The following LAMA1 variants were observed in gnomAD, a reference collection of about 807,000 sequenced individuals.
LAMA1 encodes laminin subunit alpha 1, also known as laminin subunit alpha-1.
In LAMA1, 219 loss-of-function variants were observed where a neutral mutation model predicts 348.7. The ratio of observed to expected loss-of-function variants is 0.63; its 90% CI spans 0.56 to 0.70. LAMA1 has a LOEUF of 0.70. Among genes scored for constraint, LAMA1 ranks in the 30% least tolerant of loss-of-function variants. LAMA1 has a pLI of 0.00. For synonymous variants in LAMA1, 1,487 were observed against 1,491.0 expected, an observed-to-expected ratio of 1.00 and a Z score of 0.06; for missense variants, 3,744 against 3,888.0, an observed-to-expected ratio of 0.96 and a Z score of 0.99.
At chr18:7,044,550 A>T (rs542009678) in intron 7 of LAMA1, among the ~76,000 whole-genome samples, 172 bp downstream of exon 7, 1 of 152,340 alleles carries the variant, frequency 6.6e-6, no homozygotes, top group South Asian at 2.1e-4. Flanking sequence ...ACCCATAAAG[A>T]TACATTTAGG....
chr18:7,111,934 A>G (rs1029055903), intron 1 of LAMA1, among the ~76,000 whole-genome samples: 2 of 152,118 alleles, frequency 1.3e-5, no homozygotes, highest in Admixed American at 6.6e-5. Flanking sequence ...TTTTAAATAC[A>G]TATTTTCTGT....
chr18:7,107,142 G>A (rs1479061739), intron 1 of LAMA1, among the ~76,000 whole-genome samples: 20 of 130,250 alleles, frequency 1.5e-4, no homozygotes, highest in Non-Finnish European at 2.0e-4. Flanking sequence ...TTTTTGAGAC[G>A]GAGTCTCACT....
Position 7,024,404 on chromosome 18 carries a change from C to G in LAMA1, c.2465G>C (p.Gly822Ala), listed in dbSNP as rs765586556. Residue 822 changes from glycine to alanine, a missense_variant, in exon 18 of 63, where the codon GGC (glycine) becomes GCC (alanine). Transcript: ENST00000389658. Reference sequence around the variant, plus strand: ...CCTCTCACACCAAGCTCCTGAGTAGCCCGGGGCACACCAGTCACAGACCAC... The same window carrying G: ...CCTCTCACACCAAGCTCCTGAGTAGGCCGGGGCACACCAGTCACAGACCAC... ...DEVVCDWCAPGYSGAWCERCA... is the reference protein window; with the variant it reads ...DEVVCDWCAPAYSGAWCERCA... The G allele has an allele frequency of 8.1e-6, 13 of 1,613,946 alleles. No homozygotes were observed. In the East Asian group the frequency reaches 2.9e-4, roughly 36 times the overall value.
At chr18:7,045,967 T>TA (rs1404695502) in intron 6 of LAMA1, among the ~76,000 whole-genome samples, 4 of 151,920 alleles carry the variant, frequency 2.6e-5, no homozygotes, top group Non-Finnish European at 5.9e-5. Context: ...TTTTTTTTTT[T>TA]ACTTTCTTAC....
intron 48 of LAMA1, among the ~76,000 whole-genome samples, chr18:6,967,410 T>G (rs1223482005): frequency 6.6e-6 from 1 of 152,216 alleles, no homozygotes; most frequent in Non-Finnish European, 1.5e-5. Flanking sequence ...TGCCGGAGGA[T>G]AGAGACTCTA....
At chr18:7,045,555 C>CT (rs558156396) in intron 6 of LAMA1, among the ~76,000 whole-genome samples, 5 of 151,938 alleles carry the variant, frequency 3.3e-5, no homozygotes, top group Non-Finnish European at 5.9e-5. Context: ...ACTGTTAAAT[C>CT]TTTTTTTTAA....
At chr18:7,116,241 G>A (rs1383885366) in intron 1 of LAMA1, among the ~76,000 whole-genome samples, 2 of 152,144 alleles carry the variant, frequency 1.3e-5, no homozygotes, top group African/African-American at 4.8e-5. Context: ...TCAATTTCGG[G>A]GAACAATAAG....
intron 19 of LAMA1, among the ~76,000 whole-genome samples, chr18:7,021,199 G>A (rs1259637399): frequency 6.6e-6 from 1 of 152,070 alleles, no homozygotes; most frequent in Non-Finnish European, 1.5e-5. Context: ...AGGCAGCCCG[G>A]GCCACCCTGG....
chr18:7,111,781 G>A (rs1467143492), intron 1 of LAMA1, among the ~76,000 whole-genome samples: 2 of 152,216 alleles, frequency 1.3e-5, no homozygotes, highest in African/African-American at 4.8e-5. Context: ...CTTAGGAGAT[G>A]ATAGTTTATC....
intron 1 of LAMA1, among the ~76,000 whole-genome samples, chr18:7,100,142 C>G (rs1308287767): frequency 2.0e-5 from 3 of 149,758 alleles, no homozygotes. Context: ...GACTTTGTAT[C>G]CAGGAAATAT....
intron 12 of LAMA1, among the ~76,000 whole-genome samples, chr18:7,036,783 A>G (rs2144172374): frequency 6.6e-6 from 1 of 152,364 alleles, no homozygotes; most frequent in Non-Finnish European, 1.5e-5. Flanking sequence ...AAATGAAAAT[A>G]TCATCAAATT....
intron 1 of LAMA1, among the ~76,000 whole-genome samples, chr18:7,116,932 T>TC (rs1323733328): frequency 1.3e-5 from 2 of 152,160 alleles, no homozygotes; most frequent in Non-Finnish European, 2.9e-5. Context: ...TGCAAGGTGC[T>TC]CCCTTCTCCG....
At position 7,018,959 on chromosome 18, in the gene LAMA1, C is replaced by T. The variant is rs541936677; in HGVS notation, c.2702-1575G>A. ...TGGGGGCCTTAATGCTGCAGTCCCACGAGAGGCCCCATTCACCGGTGCCCT... is the reference window on the plus strand; with the variant it reads ...TGGGGGCCTTAATGCTGCAGTCCCATGAGAGGCCCCATTCACCGGTGCCCT... On this transcript the variant is annotated intron_variant, in intron 19 of 62. Transcript: ENST00000389658. Among the ~76,000 whole-genome samples the T allele has an allele frequency of 3.9e-3, 599 of 152,176 alleles. 2 individuals carry two copies. The highest frequency in any genetic ancestry group is 0.017 in the Middle Eastern group (5 of 294).
At chr18:7,024,008 G>GA (rs1555654972) in intron 18 of LAMA1, among the ~76,000 whole-genome samples, 1 of 148,074 alleles carries the variant, frequency 6.8e-6, no homozygotes, top group Non-Finnish European at 1.5e-5. Flanking sequence ...CCGGCCTTTT[G>GA]TTTTTTTTTT....
In LAMA1 at chr18:6,942,563, G is replaced by A. The variant is rs574541664; in HGVS notation, c.9068-324C>T. Among the ~76,000 whole-genome samples, 157 of 151,870 alleles carry A rather than the reference G, an allele frequency of 1.0e-3. 1 individual carries two copies. The highest frequency in any genetic ancestry group is 6.8e-3 in the Middle Eastern group (2 of 294). Reference sequence around the variant, plus strand: ...CGAGTAGCTGGGGTTACAGGCACCCGTCACCACGTCCAGCTTATTTTTGTA... The same window carrying A: ...CGAGTAGCTGGGGTTACAGGCACCCATCACCACGTCCAGCTTATTTTTGTA... On this transcript the variant is annotated intron_variant, in intron 62 of 62. Transcript: ENST00000389658.
At chr18:7,010,506 A>T in intron 25 of LAMA1, 121 bp from the exon 26 acceptor site, 1 of 949,082 alleles carries the variant, frequency 1.1e-6, no homozygotes, top group South Asian at 1.4e-5. Context: ...ACATGGGTGA[A>T]ATTTGTTGTC....
At chr18:6,949,402 G>C (rs1304251117) in intron 58 of LAMA1, 143 bp from the exon 59 acceptor site, 1 of 825,458 alleles carries the variant, frequency 1.2e-6, no homozygotes, top group African/African-American at 1.7e-5. Flanking sequence ...CAAATTTTTA[G>C]ACAGTTGGTG....
chr18:7,043,270 A>C lies in LAMA1; in HGVS notation c.1112T>G (p.Ile371Ser). The change falls in exon 8 of 63, where the codon ATC (isoleucine) becomes AGC (serine). Residue 371 changes from isoleucine to serine, a missense_variant. Ile to Ser is a moderately radical substitution (Grantham distance 142). This residue lies in a region of LAMA1 where 1,529 missense variants were observed against 1,689.4 expected (regional missense o/e 0.91). Transcript: ENST00000389658. Reference sequence around the variant, plus strand: ...TCCATCAATACAGGTTTCACAGTTGATTCCCATGGTGTTCTGCAAGCAATT... The same window carrying C: ...TCCATCAATACAGGTTTCACAGTTGCTTCCCATGGTGTTCTGCAAGCAATT... ...CINCLQNTMG[I>S]NCETCIDGYY... is the part of the protein sequence containing the mutation. 6.2e-7 allele frequency: 1 copy of C among 1,614,116 alleles called. No homozygotes were observed. Among genetic ancestry groups the C allele is most frequent in the South Asian group, 1.1e-5 (1 of 91,076 alleles).
intron 19 of LAMA1, among the ~76,000 whole-genome samples, chr18:7,021,068 C>T (rs531981400): frequency 1.9e-4 from 29 of 152,294 alleles, no homozygotes; most frequent in African/African-American, 6.7e-4. Context: ...CACTCTCTCT[C>T]CAGTGTCTAC....
Sources: allele counts gnomAD v4.1 joint callset (sites outside exome capture counted in the v4.1 genomes callset), GRCh38; gene constraint gnomAD v4.1.1; regional missense constraint gnomAD v4.1.1; transcripts MANE v1.5; gene names NCBI Gene and HGNC (gene_info 2026-07-23, HGNC 2026-07-21).